Variants in ZNF331 observed in about 807,000 individuals in gnomAD.
The protein encoded by ZNF331 is zinc finger protein 331.
A neutral mutation model predicts 7.0 loss-of-function variants in ZNF331; 2 were observed. That is an observed-to-expected ratio of 0.29 (90% CI 0.12 to 0.90). The LOEUF (loss-of-function observed/expected upper bound fraction) is 0.90. Among genes scored for constraint, ZNF331 ranks in the 40% least tolerant of loss-of-function variants. The pLI is 0.58. For missense variants in ZNF331, 432 were observed against 587.7 expected (o/e 0.74, Z 2.74); for synonymous variants, 196 against 205.4 (o/e 0.95, Z 0.39).
intron 3 of ZNF331, among the ~76,000 whole-genome samples, chr19:53,557,056 G>C (rs1416639335): frequency 7.3e-6 from 1 of 137,328 alleles, no homozygotes; most frequent in Non-Finnish European, 1.5e-5. Flanking sequence ...CTGAGCTCAA[G>C]CAATCTGCTG....
upstream of ZNF331, among the ~76,000 whole-genome samples, chr19:53,519,545 G>GA: frequency 6.6e-6 from 1 of 152,174 alleles, no homozygotes. Context: ...ATCCTGATGA[G>GA]ATCCCACCGG....
intron 2 of ZNF331, among the ~76,000 whole-genome samples, chr19:53,548,918 G>A (rs953898137): frequency 3.3e-5 from 5 of 151,436 alleles, no homozygotes; most frequent in African/African-American, 1.2e-4. Flanking sequence ...CACGATCTCG[G>A]CTCACTGCAA....
Position 53,578,168 on chromosome 19 carries a change from C to T in ZNF331, c.*216C>T, listed in dbSNP as rs1279954422. On this transcript the variant is annotated 3_prime_UTR_variant, in exon 6 of 6. Transcript: ENST00000449416. Reference sequence around the variant, plus strand: ...ATGTGAGTCATCCCTTGGTCCAGCACATCCACGCTGTATACGCCACCCACC... The same window carrying T: ...ATGTGAGTCATCCCTTGGTCCAGCATATCCACGCTGTATACGCCACCCACC... The T allele has an allele frequency of 3.4e-6, 2 of 585,082 alleles. No individual in the cohort carries two copies. Among genetic ancestry groups the T allele is most frequent in the Non-Finnish European group, 2.9e-6 (1 of 341,672 alleles). The allele number at this position is 585,082 out of a possible 1,614,324, so 36.2% of individuals were successfully genotyped here.
At chr19:53,511,462 GA>G in the ZNF331 span, among the ~76,000 whole-genome samples, 6 of 151,758 alleles carry the variant, frequency 4.0e-5, no homozygotes, top group Admixed American at 2.0e-4. Flanking sequence ...TAAAATAGAA[GA>G]AAATTTAAAT....
intron 5 of ZNF331, among the ~76,000 whole-genome samples, chr19:53,576,282 C>T (rs1188003644): frequency 3.9e-5 from 6 of 152,202 alleles, no homozygotes; most frequent in Admixed American, 6.5e-5. Context: ...CCACCACTCC[C>T]GGCCCTTTAC....
chr19:53,507,416 A>T, the ZNF331 span, among the ~76,000 whole-genome samples: 2 of 152,182 alleles, frequency 1.3e-5, no homozygotes, highest in East Asian at 3.8e-4. Context: ...CTTGCTTATG[A>T]CACAGAAATG....
At chr19:53,546,203 A>G (rs1204050181) in intron 2 of ZNF331, among the ~76,000 whole-genome samples, 1 of 150,940 alleles carries the variant, frequency 6.6e-6, no homozygotes, top group Admixed American at 6.6e-5. Flanking sequence ...GGTTTTTGCC[A>G]TTATGTCTAA....
At chr19:53,535,899 A>C (rs2087730240), upstream of ZNF331, among the ~76,000 whole-genome samples, 1 of 151,208 alleles carries the variant, frequency 6.6e-6, no homozygotes, top group African/African-American at 2.4e-5. Flanking sequence ...TCTGCCTCCC[A>C]GGTTCAAGCG....
chr19:53,577,350 A>T lies in ZNF331; in HGVS notation c.790A>T (p.Ile264Phe). The T allele has an allele frequency of 6.2e-7, 1 of 1,614,016 alleles. No homozygotes were observed. Among genetic ancestry groups the T allele is most frequent in the Non-Finnish European group, 8.5e-7 (1 of 1,180,014 alleles). ...GTATAAACTTATTCAGCACAAGAGA[A>T]TTCATAGTGGGGAGAAGCCTTACGA... is the stretch of plus-strand genomic sequence containing the variant. ...RVYKLIQHKR[I>F]HSGEKPYECK... Residue 264 changes from isoleucine to phenylalanine, a missense_variant, in exon 6 of 6, where the codon ATT (isoleucine) becomes TTT (phenylalanine). Transcript: ENST00000449416.
At chr19:53,530,447 GAT>G (rs2087494459) in intron 2 of ZNF331, among the ~76,000 whole-genome samples, 1 of 146,248 alleles carries the variant, frequency 6.8e-6, no homozygotes, top group Non-Finnish European at 1.5e-5. Flanking sequence ...CACGGATGTC[GAT>G]TTATAACCAA....
chr19:53,557,839 C>T (rs772187678), intron 3 of ZNF331, among the ~76,000 whole-genome samples: 22 of 152,184 alleles, frequency 1.4e-4, no homozygotes, highest in Non-Finnish European at 2.6e-4. Context: ...TGGCGCATGC[C>T]TGTAATCCCA....
chr19:53,521,111 G>C (rs765968353), exon 1 of ZNF331: 5 of 152,326 alleles, frequency 3.3e-5, no homozygotes, highest in Non-Finnish European at 5.9e-5. Flanking sequence ...GTTTCTCCTG[G>C]ATCTTATCCC....
chr19:53,504,186 A>G, the ZNF331 span: 7 of 333,236 alleles, frequency 2.1e-5, no homozygotes, highest in Non-Finnish European at 4.2e-5. Flanking sequence ...GGTGGTGAAC[A>G]TCTCTGCAAT....
At position 53,577,166 on chromosome 19, in the gene ZNF331, C is replaced by T. The variant is rs757223836; in HGVS notation, c.606C>T (p.Leu202=). 19 of 1,613,690 alleles carry T rather than the reference C, an allele frequency of 1.2e-5. No individual in the cohort carries two copies. Among genetic ancestry groups the T allele is most frequent in the African/African-American group, 4.0e-5 (3 of 74,796 alleles). Residue 202 remains leucine, a synonymous_variant, in exon 6 of 6, where the codon CTC becomes CTT. Transcript: ENST00000449416. The part of the protein sequence containing the change: ...CGKAFRWGSS[L]VIHKRIHTGE... The stretch of plus-strand genomic sequence containing the variant: ...AGGCTTTTCGATGGGGCTCAAGCCT[C>T]GTTATTCATAAGAGGATTCATACTG...
chr19:53,505,540 C>A, the ZNF331 span, among the ~76,000 whole-genome samples: 4 of 152,176 alleles, frequency 2.6e-5, no homozygotes, highest in Non-Finnish European at 5.9e-5. Flanking sequence ...ATTTAAGTCA[C>A]CAACGTACGT....
At chr19:53,528,971 G>A (rs1233375952) in intron 2 of ZNF331, among the ~76,000 whole-genome samples, 1 of 152,010 alleles carries the variant, frequency 6.6e-6, no homozygotes, top group Non-Finnish European at 1.5e-5. Flanking sequence ...ATTTTTAGTA[G>A]AGACGAGGTT....
intron 4 of ZNF331, among the ~76,000 whole-genome samples, chr19:53,570,368 G>A (rs1322873809): frequency 6.6e-6 from 1 of 152,060 alleles, no homozygotes. Flanking sequence ...CCCCAGAATC[G>A]GAGAAAGCCT....
chr19:53,528,547 G>T (rs368372105), intron 2 of ZNF331, among the ~76,000 whole-genome samples: 3 of 152,128 alleles, frequency 2.0e-5, no homozygotes, highest in South Asian at 2.1e-4. Context: ...ACACTGCGAG[G>T]TTAGTAACTG....
chr19:53,541,476 G>C (rs186346056), intron 2 of ZNF331, among the ~76,000 whole-genome samples: 12 of 152,138 alleles, frequency 7.9e-5, no homozygotes, highest in Admixed American at 6.5e-4. Context: ...GTTGTGTTCT[G>C]TTGCCCATGC....
Sources: gnomAD v4.1 joint callset for allele counts (sites outside exome capture counted in the v4.1 genomes callset) on GRCh38, gnomAD v4.1.1 for gene constraint, MANE v1.5 for transcripts, NCBI Gene and HGNC (gene_info 2026-07-23, HGNC 2026-07-21) for gene names.